The following STRN3 variants were observed in gnomAD, a reference collection of about 807,000 sequenced individuals.
The protein encoded by STRN3 is striatin 3, also known as striatin-3.
In STRN3, 29 loss-of-function variants were observed where a neutral mutation model predicts 95.6. That is an observed-to-expected ratio of 0.30 (90% CI 0.23 to 0.41). The LOEUF (loss-of-function observed/expected upper bound fraction) is 0.41, where lower values mean the gene tolerates loss of function less well. Ranked by LOEUF, STRN3 falls within the 10% of genes least tolerant of loss-of-function variation. STRN3 has a pLI of 1.00. For synonymous variants in STRN3, 331 were observed against 357.6 expected (o/e 0.93, Z 0.84); for missense variants, 890 against 972.1 (o/e 0.92, Z 1.12).
rs562267480 is a variant in STRN3, at chr14:30,994,384, G to GT, written c.282+31519dup. Among the ~76,000 whole-genome samples the GT allele has an allele frequency of 2.5e-4, 38 of 152,216 alleles. No homozygotes were observed. In the East Asian group the frequency reaches 6.7e-3, roughly 27 times the overall value. ...CTGGAGATAGAGACTATCAACTTGAGTTATACACAGACTTTTTAAAAAGGT... is the reference window on the plus strand; with the variant it reads ...CTGGAGATAGAGACTATCAACTTGAGTTTATACACAGACTTTTTAAAAAGGT... On this transcript the variant is annotated intron_variant, in intron 1 of 17. Transcript: ENST00000357479.
At chr14:30,960,661 A>G (rs1293690014) in intron 1 of STRN3, among the ~76,000 whole-genome samples, 1 of 151,996 alleles carries the variant, frequency 6.6e-6, no homozygotes, top group Non-Finnish European at 1.5e-5. Flanking sequence ...CGAGGTCAGG[A>G]GATCGAGACC....
intron 5 of STRN3, among the ~76,000 whole-genome samples, chr14:30,938,332 C>T (rs1235659554): frequency 1.3e-5 from 2 of 152,080 alleles, no homozygotes; most frequent in Non-Finnish European, 2.9e-5. Flanking sequence ...AATATACTTT[C>T]AGCTCAAAAT....
Position 30,925,065 on chromosome 14 carries a change from C to T in STRN3, c.1099+4136G>A, listed in dbSNP as rs1896988648. On this transcript the variant is annotated intron_variant, in intron 8 of 17. Coordinates refer to ENST00000357479, the MANE Select transcript of STRN3 (RefSeq NM_001083893.2). ...AGACCAAAATAACTGCATCAAGCCTCTTTAGTTTCTTAGTTTCAAGGTACT... is the reference window on the plus strand; with the variant it reads ...AGACCAAAATAACTGCATCAAGCCTTTTTAGTTTCTTAGTTTCAAGGTACT... 2.6e-5 allele frequency among the ~76,000 whole-genome samples: 4 copies of T among 152,226 alleles called. No homozygotes were observed. The South Asian group carries it at 8.3e-4, about 32-fold the overall frequency.
chr14:30,998,068 A>G (rs1882284095), intron 1 of STRN3, among the ~76,000 whole-genome samples: 1 of 152,146 alleles, frequency 6.6e-6, no homozygotes, highest in Non-Finnish European at 1.5e-5. Context: ...GAAATCCAAT[A>G]GCCCACAGTC....
chr14:30,979,737 C>T (rs1006621438), intron 1 of STRN3, among the ~76,000 whole-genome samples: 17 of 151,804 alleles, frequency 1.1e-4, no homozygotes, highest in African/African-American at 4.1e-4. Context: ...GTAGCTGGGA[C>T]TACAGGTGCA....
At chr14:31,003,796 T>TTA (rs71112372) in intron 1 of STRN3, among the ~76,000 whole-genome samples, 8 of 115,488 alleles carry the variant, frequency 6.9e-5, no homozygotes, top group East Asian at 2.6e-4. Context: ...ACATCTTTCT[T>TTA]AAAAAAAAAA....
intron 1 of STRN3, among the ~76,000 whole-genome samples, chr14:30,982,448 C>T (rs1294703423): frequency 6.6e-6 from 1 of 152,166 alleles, no homozygotes; most frequent in Admixed American, 6.5e-5. Flanking sequence ...GCTGGGACTA[C>T]AGGCACACAC....
chr14:30,927,335 G>C (rs1878233279), intron 8 of STRN3, among the ~76,000 whole-genome samples: 1 of 151,542 alleles, frequency 6.6e-6, no homozygotes, highest in Admixed American at 6.6e-5. Context: ...TAGTTTATCT[G>C]TTTCTAATAT....
chr14:30,990,154 A>C (rs925391268), intron 1 of STRN3, among the ~76,000 whole-genome samples: 2 of 151,136 alleles, frequency 1.3e-5, no homozygotes, highest in African/African-American at 2.4e-5. Context: ...CAGTCTTCTG[A>C]GGGCACTATG....
At chr14:30,960,742 G>A (rs912884099) in intron 1 of STRN3, among the ~76,000 whole-genome samples, 3 of 151,898 alleles carry the variant, frequency 2.0e-5, no homozygotes, top group African/African-American at 4.8e-5. Context: ...GGTGGCGGGC[G>A]CCTGTAATCC....
At chr14:30,907,189 A>G (rs1409116769) in intron 13 of STRN3, 145 bp from the exon 14 acceptor site, 2 of 847,190 alleles carry the variant, frequency 2.4e-6, no homozygotes, top group African/African-American at 1.7e-5. Flanking sequence ...CATAGTGGCT[A>G]TATCTAAGAG....
intron 5 of STRN3, among the ~76,000 whole-genome samples, chr14:30,941,578 A>AATT (rs753837662): frequency 3.3e-5 from 5 of 152,166 alleles, no homozygotes; most frequent in Non-Finnish European, 5.9e-5. Context: ...GGGTGGTGTT[A>AATT]AACCAGCTTC....
intron 16 of STRN3, among the ~76,000 whole-genome samples, chr14:30,901,042 CTT>C (rs998815130): frequency 6.6e-6 from 1 of 152,092 alleles, no homozygotes; most frequent in African/African-American, 2.4e-5. Context: ...AAACAGGAAT[CTT>C]TTTAGAAACA....
At chr14:30,903,256 T>C (rs1291947671) in intron 15 of STRN3, among the ~76,000 whole-genome samples, 1 of 151,794 alleles carries the variant, frequency 6.6e-6, no homozygotes, top group Admixed American at 6.6e-5. Flanking sequence ...CACCTAAACA[T>C]ATAAAAAATA....
At chr14:31,019,811 G>C (rs1883416088) in intron 1 of STRN3, among the ~76,000 whole-genome samples, 2 of 151,536 alleles carry the variant, frequency 1.3e-5, no homozygotes, top group South Asian at 4.2e-4. Flanking sequence ...CAGTGAATTA[G>C]AATATACTTT....
At chr14:30,970,999 T>A (rs2139194400) in intron 1 of STRN3, among the ~76,000 whole-genome samples, 1 of 152,340 alleles carries the variant, frequency 6.6e-6, no homozygotes, top group South Asian at 2.1e-4. Context: ...TATCCCAAAA[T>A]CCGGCACCCT....
At chr14:30,980,380 A>G (rs907392151) in intron 1 of STRN3, among the ~76,000 whole-genome samples, 1 of 152,126 alleles carries the variant, frequency 6.6e-6, no homozygotes, top group East Asian at 1.9e-4. Flanking sequence ...TTCAACTACT[A>G]TTCTGCAATG....
At chr14:30,952,550 A>G (rs934695200) in intron 3 of STRN3, among the ~76,000 whole-genome samples, 9 of 151,506 alleles carry the variant, frequency 5.9e-5, no homozygotes, top group Non-Finnish European at 8.9e-5. Context: ...AAATGCAAAA[A>G]TTAGCCAGGC....
intron 1 of STRN3, among the ~76,000 whole-genome samples, chr14:30,997,089 G>A (rs1232380437): frequency 2.0e-5 from 3 of 152,098 alleles, no homozygotes; most frequent in Non-Finnish European, 2.9e-5. Flanking sequence ...ACAGCAGGAT[G>A]CCACAAAAGG....
Sources: gnomAD v4.1 joint callset for allele counts (sites outside exome capture counted in the v4.1 genomes callset) on GRCh38, gnomAD v4.1.1 for gene constraint, MANE v1.5 for transcripts, NCBI Gene and HGNC (gene_info 2026-07-23, HGNC 2026-07-21) for gene names.